Variants in LIPJ observed in about 807,000 individuals in gnomAD.
LIPJ encodes the protein lipase family member J.
Under a neutral mutation model 39.8 loss-of-function variants are expected in LIPJ, and 33 were observed. That is an observed-to-expected ratio of 0.83 (90% CI 0.63 to 1.11). The LOEUF is 1.11. Ranked by LOEUF, LIPJ falls within the 50% of genes least tolerant of loss-of-function variation. The pLI is 0.00. For synonymous variants in LIPJ, 128 were observed against 139.2 expected (o/e 0.92, Z 0.57); for missense variants, 422 against 427.9 (o/e 0.99, Z 0.12).
At chr10:88,617,274 T>C in the LIPJ span, among the ~76,000 whole-genome samples, 2 of 151,956 alleles carry the variant, frequency 1.3e-5, no homozygotes, top group Admixed American at 6.6e-5. Context: ...ATACCTGAAG[T>C]TAGGTGAGAT....
the LIPJ span, among the ~76,000 whole-genome samples, chr10:88,613,286 T>C: frequency 1.3e-5 from 2 of 152,116 alleles, no homozygotes; most frequent in African/African-American, 4.8e-5. Flanking sequence ...TATAAGTGTC[T>C]TCTCCAGGCG....
At chr10:88,585,156 C>T (rs774008161), upstream of LIPJ, among the ~76,000 whole-genome samples, 1 of 152,150 alleles carries the variant, frequency 6.6e-6, no homozygotes, top group African/African-American at 2.4e-5. Flanking sequence ...TCCTCTGCCA[C>T]CATTTTATAC....
chr10:88,600,497 C>T (rs1404094952), intron 8 of LIPJ, among the ~76,000 whole-genome samples: 1 of 151,986 alleles, frequency 6.6e-6, no homozygotes, highest in African/African-American at 2.4e-5. Context: ...AATATTCTAC[C>T]TTCATGACCA....
chr10:88,595,594 T>G (rs1044225271), intron 6 of LIPJ, among the ~76,000 whole-genome samples: 3 of 151,572 alleles, frequency 2.0e-5, no homozygotes, highest in Admixed American at 6.6e-5. Context: ...CAGGAATGCC[T>G]GAAAATGTAG....
upstream of LIPJ, chr10:88,583,178 G>A: frequency 6.2e-7 from 1 of 1,613,932 alleles, no homozygotes; most frequent in Non-Finnish European, 8.5e-7. Context: ...CCCACGATCA[G>A]CACCTGCGCC....
At chr10:88,589,619 G>T (rs777334946) in intron 2 of LIPJ, among the ~76,000 whole-genome samples, 1 of 150,308 alleles carries the variant, frequency 6.7e-6, no homozygotes, top group Non-Finnish European at 1.5e-5. Flanking sequence ...TTTTTCAAGC[G>T]GTCAGTGCAC....
At chr10:88,585,871 G>A (rs566131900), upstream of LIPJ, 2 of 152,270 alleles carry the variant, frequency 1.3e-5, no homozygotes, top group African/African-American at 4.8e-5. Context: ...ACAGAATTAA[G>A]TTCCATTCAT....
chr10:88,591,749 T>C (rs17345331), intron 4 of LIPJ: 6,841 of 236,422 alleles, frequency 0.029, 132 homozygotes, highest in Non-Finnish European at 0.039. Flanking sequence ...TGCTCTTACA[T>C]GTTGATTCTC....
At chr10:88,587,356 C>A (rs1850942407) in exon 2 of LIPJ, 1 of 152,034 alleles carries the variant, frequency 6.6e-6, no homozygotes, top group African/African-American at 2.4e-5. Flanking sequence ...TTTGAAGACA[C>A]ATATATTGGA....
At chr10:88,608,791 C>T (rs1564941895), downstream of LIPJ, among the ~76,000 whole-genome samples, 1 of 152,062 alleles carries the variant, frequency 6.6e-6, no homozygotes, top group African/African-American at 2.4e-5. Context: ...TAAGGACTTC[C>T]TAGAACTAAA....
intron 2 of LIPJ, among the ~76,000 whole-genome samples, chr10:88,590,172 C>T (rs1000419667): frequency 6.6e-6 from 1 of 151,542 alleles, no homozygotes; most frequent in Non-Finnish European, 1.5e-5. Context: ...CAAATCTCCC[C>T]GTTCTTTCCC....
At chr10:88,591,304 G>A (rs189055790) in intron 3 of LIPJ, 74 bp from the exon 4 acceptor site, 39 of 1,180,288 alleles carry the variant, frequency 3.3e-5, no homozygotes, top group Middle Eastern at 2.0e-4. Context: ...CACATAATGC[G>A]TTAGAAATGG....
At chr10:88,613,770 G>GTATATGTATATATATATATATA in the LIPJ span, among the ~76,000 whole-genome samples, 1 of 75,514 alleles carries the variant, frequency 1.3e-5, no homozygotes, top group Non-Finnish European at 2.8e-5. Flanking sequence ...ATGTGTGTGT[G>GTATATGTATATATATATATATA]TATATATATA....
At chr10:88,602,459 T>C in intron 8 of LIPJ, 117 bp from the exon 9 acceptor site, 1 of 567,982 alleles carries the variant, frequency 1.8e-6, no homozygotes, top group Admixed American at 3.8e-5. Flanking sequence ...TTTATTAATA[T>C]GATTAATTTT....
At chr10:88,592,438 C>T (rs755633714) in intron 4 of LIPJ, 2 of 151,818 alleles carry the variant, frequency 1.3e-5, no homozygotes, top group Non-Finnish European at 2.9e-5. Context: ...GGTTCAGGTA[C>T]ATGTGACTGA....
At chr10:88,597,517 T>C (rs1851298049) in intron 8 of LIPJ, among the ~76,000 whole-genome samples, 1 of 151,912 alleles carries the variant, frequency 6.6e-6, no homozygotes, top group Admixed American at 6.6e-5. Context: ...AACATCCAGA[T>C]TTGGCAGAAG....
At chr10:88,623,076 A>G in the LIPJ span, among the ~76,000 whole-genome samples, 2 of 152,186 alleles carry the variant, frequency 1.3e-5, no homozygotes, top group Non-Finnish European at 2.9e-5. Flanking sequence ...TAAGTGTCCA[A>G]TGTGGCTCTT....
chr10:88,601,931 ATCAGTAC>A (rs1291527449), intron 8 of LIPJ, among the ~76,000 whole-genome samples: 5 of 152,250 alleles, frequency 3.3e-5, no homozygotes, highest in African/African-American at 9.6e-5. Flanking sequence ...TCACTTTGAG[ATCAGTAC>A]TCTACATGTC....
chr10:88,616,378 G>T, the LIPJ span, among the ~76,000 whole-genome samples: 1 of 152,154 alleles, frequency 6.6e-6, no homozygotes, highest in Admixed American at 6.5e-5. Flanking sequence ...TCAGGGAGAG[G>T]CTGATCCCCC....
Sources: allele counts gnomAD v4.1 joint callset (sites outside exome capture counted in the v4.1 genomes callset), GRCh38; gene constraint gnomAD v4.1.1; transcripts MANE v1.5; gene names NCBI Gene and HGNC (gene_info 2026-07-23, HGNC 2026-07-21).